The following CTNNA3 variants were observed in gnomAD, a reference collection of about 807,000 sequenced individuals.
The protein encoded by CTNNA3 is catenin alpha 3.
In CTNNA3, 76 loss-of-function variants were observed where a neutral mutation model predicts 95.7. The observed-to-expected ratio is 0.79, with a 90% CI of 0.66 to 0.96. CTNNA3 has a LOEUF of 0.96. Ranked by LOEUF, CTNNA3 falls within the 40% of genes least tolerant of loss-of-function variation. CTNNA3 has a pLI of 0.00. For synonymous variants in CTNNA3, 431 were observed against 374.4 expected (o/e 1.15, Z -1.74); for missense variants, 1,191 against 1,089.8 (o/e 1.09, Z -1.31).
At chr10:66,346,842 G>T (rs537272336) in intron 12 of CTNNA3, among the ~76,000 whole-genome samples, 2 of 152,038 alleles carry the variant, frequency 1.3e-5, no homozygotes, top group Non-Finnish European at 2.9e-5. Context: ...TTGTAACCAA[G>T]TGTGAAAGAC....
chr10:66,428,758 G>A (rs530233234), intron 11 of CTNNA3, among the ~76,000 whole-genome samples: 4 of 152,142 alleles, frequency 2.6e-5, no homozygotes, highest in African/African-American at 9.6e-5. Flanking sequence ...AAAGCAGTGT[G>A]TAGAGGGAAA....
At chr10:66,442,753 T>C (rs1452704529) in intron 11 of CTNNA3, among the ~76,000 whole-genome samples, 3 of 152,196 alleles carry the variant, frequency 2.0e-5, no homozygotes, top group Admixed American at 6.5e-5. Flanking sequence ...GGGTGATTTC[T>C]GCATTTCCAT....
chr10:66,540,604 A>G (rs1261304010), intron 10 of CTNNA3, among the ~76,000 whole-genome samples: 1 of 152,058 alleles, frequency 6.6e-6, no homozygotes, highest in African/African-American at 2.4e-5. Flanking sequence ...AAAAAGCAGT[A>G]TCTTTAGGTC....
chr10:65,996,477 G>A (rs922657507), intron 15 of CTNNA3, among the ~76,000 whole-genome samples: 1 of 152,148 alleles, frequency 6.6e-6, no homozygotes, highest in Non-Finnish European at 1.5e-5. Flanking sequence ...TTCTAGGGAT[G>A]TAGGAATGCA....
chr10:66,881,723 G>T (rs975826629), intron 7 of CTNNA3, among the ~76,000 whole-genome samples: 4 of 151,994 alleles, frequency 2.6e-5, no homozygotes, highest in Admixed American at 2.6e-4. Flanking sequence ...TGCTCACAAA[G>T]CCTCCAGCAG....
intron 11 of CTNNA3, among the ~76,000 whole-genome samples, chr10:66,417,575 CA>C (rs1382352195): frequency 6.6e-6 from 1 of 151,962 alleles, no homozygotes; most frequent in Admixed American, 6.6e-5. Flanking sequence ...GCAGAATACA[CA>C]TTATTTTCAT....
intron 13 of CTNNA3, among the ~76,000 whole-genome samples, chr10:66,245,043 C>A (rs1388271772): frequency 6.6e-6 from 1 of 152,140 alleles, no homozygotes; most frequent in African/African-American, 2.4e-5. Context: ...TCCCACCCTG[C>A]CTGGCAGGCT....
intron 7 of CTNNA3, among the ~76,000 whole-genome samples, chr10:67,025,122 A>G (rs1853275013): frequency 8.3e-6 from 1 of 121,066 alleles, no homozygotes; most frequent in Admixed American, 8.9e-5. Flanking sequence ...CAAGAGCAAA[A>G]CTCTGTCAAA....
chr10:67,522,055 G>C, intron 4 of CTNNA3, 94 bp from the exon 5 acceptor site: 1 of 1,240,968 alleles, frequency 8.1e-7, no homozygotes, highest in Non-Finnish European at 1.1e-6. Flanking sequence ...ATGAGCCTCA[G>C]TTTCTCCCAT....
chr10:66,451,474 G>A (rs567489410), intron 11 of CTNNA3, among the ~76,000 whole-genome samples: 10 of 152,106 alleles, frequency 6.6e-5, no homozygotes, highest in East Asian at 1.9e-4. Context: ...AAATAAAAAC[G>A]TATCTTTCAG....
chr10:66,413,493 T>C (rs972427055), intron 11 of CTNNA3, among the ~76,000 whole-genome samples: 6 of 152,200 alleles, frequency 3.9e-5, no homozygotes, highest in Admixed American at 3.9e-4. Context: ...ATGACTCAAA[T>C]TGGCCTTAAA....
chr10:67,703,101 C>G (rs1451991435), intron 1 of CTNNA3, among the ~76,000 whole-genome samples: 1 of 152,176 alleles, frequency 6.6e-6, no homozygotes, highest in Non-Finnish European at 1.5e-5. Flanking sequence ...TTGAATAGAC[C>G]AATAACAGGC....
intron 7 of CTNNA3, among the ~76,000 whole-genome samples, chr10:67,149,367 T>C (rs1179688528): frequency 6.6e-6 from 1 of 151,894 alleles, no homozygotes; most frequent in Non-Finnish European, 1.5e-5. Context: ...GGGCAGATCA[T>C]GAGGTCAGGA....
chr10:66,487,259 T>C (rs1308900069), intron 11 of CTNNA3, among the ~76,000 whole-genome samples: 1 of 126,282 alleles, frequency 7.9e-6, no homozygotes, highest in African/African-American at 2.9e-5. Context: ...TGGAGTGCGG[T>C]GGCGCGATCT....
At chr10:67,571,171 T>C (rs914687656) in intron 3 of CTNNA3, among the ~76,000 whole-genome samples, 3 of 152,150 alleles carry the variant, frequency 2.0e-5, no homozygotes, top group African/African-American at 4.8e-5. Flanking sequence ...CTTGATGAGA[T>C]AATGCACATA....
At chr10:67,469,435 G>A (rs958522361) in intron 5 of CTNNA3, among the ~76,000 whole-genome samples, 2 of 151,968 alleles carry the variant, frequency 1.3e-5, no homozygotes, top group East Asian at 3.9e-4. Flanking sequence ...GTTTTTTTAA[G>A]GATGAGTTCA....
At chr10:66,684,254 A>G (rs1564616283) in intron 9 of CTNNA3, among the ~76,000 whole-genome samples, 2 of 152,120 alleles carry the variant, frequency 1.3e-5, no homozygotes. Context: ...GGATACTGCT[A>G]CATATCCTAT....
intron 11 of CTNNA3, among the ~76,000 whole-genome samples, chr10:66,491,280 T>C (rs181033556): frequency 6.6e-6 from 1 of 152,314 alleles, no homozygotes; most frequent in Admixed American, 6.5e-5. Context: ...ATTCTACACA[T>C]ATTTGATAAG....
intron 17 of CTNNA3, among the ~76,000 whole-genome samples, chr10:65,936,805 G>A (rs964552867): frequency 2.0e-5 from 3 of 151,800 alleles, no homozygotes; most frequent in African/African-American, 7.3e-5. Flanking sequence ...TGAAAAACAG[G>A]CATAATAATC....
Sources: allele counts gnomAD v4.1 joint callset (sites outside exome capture counted in the v4.1 genomes callset), GRCh38; gene constraint gnomAD v4.1.1; transcripts MANE v1.5; gene names NCBI Gene and HGNC (gene_info 2026-07-23, HGNC 2026-07-21).